TAMM41: variants seen among roughly 807,000 people sequenced by gnomAD.
TAMM41 encodes TAM41 mitochondrial translocator assembly and maintenance homolog, also known as phosphatidate cytidylyltransferase, mitochondrial.
In TAMM41, 36 loss-of-function variants were observed where a neutral mutation model predicts 44.1. The observed-to-expected ratio is 0.82, with a 90% CI of 0.63 to 1.08. The LOEUF (loss-of-function observed/expected upper bound fraction) is 1.08. TAMM41 is among the 50% of genes least tolerant of loss of function. The pLI is 0.00. For synonymous variants in TAMM41, 164 were observed against 153.1 expected, an observed-to-expected ratio of 1.07 and a Z score of -0.53; for missense variants, 417 against 404.3, an observed-to-expected ratio of 1.03 and a Z score of -0.27.
At chr3:11,765,899 G>A in the TAMM41 span, among the ~76,000 whole-genome samples, 20 of 151,908 alleles carry the variant, frequency 1.3e-4, no homozygotes, top group South Asian at 6.2e-4. Flanking sequence ...ACTGGGTTTC[G>A]CCATGTTAGC....
At chr3:11,739,699 A>AAG in the TAMM41 span, among the ~76,000 whole-genome samples, 1 of 130,606 alleles carries the variant, frequency 7.7e-6, no homozygotes, top group African/African-American at 2.7e-5. Flanking sequence ...AAAAAAAAAG[A>AAG]GACATGTTAA....
chr3:11,827,419 C>T (rs1185512155), intron 4 of TAMM41, among the ~76,000 whole-genome samples: 1 of 151,566 alleles, frequency 6.6e-6, no homozygotes, highest in African/African-American at 2.4e-5. Context: ...AAGTGATTCT[C>T]CTGCCTCAAC....
intron 7 of TAMM41, among the ~76,000 whole-genome samples, chr3:11,794,974 G>C (rs924905952): frequency 3.3e-5 from 5 of 152,208 alleles, no homozygotes; most frequent in African/African-American, 1.2e-4. Flanking sequence ...ACAGGCTTAA[G>C]TGATAAGCAA....
the TAMM41 span, among the ~76,000 whole-genome samples, chr3:11,773,255 C>A: frequency 2.8e-4 from 43 of 151,918 alleles, no homozygotes; most frequent in Non-Finnish European, 5.0e-4. Context: ...CCATCCCTGG[C>A]CAAACCCAGG....
At chr3:11,830,001 T>C (rs2078918366) in intron 3 of TAMM41, 137 bp from the exon 4 acceptor site, 8 of 779,930 alleles carry the variant, frequency 1.0e-5, no homozygotes, top group East Asian at 5.3e-5. Flanking sequence ...TGACACAAAA[T>C]TGTTCCTCTA....
At chr3:11,807,260 A>G in intron 7 of TAMM41, 2 of 1,433,132 alleles carry the variant, frequency 1.4e-6, no homozygotes, top group South Asian at 1.6e-5. Flanking sequence ...AATTAGCCAA[A>G]ACCACCAGAC....
At chr3:11,767,127 G>T in the TAMM41 span, among the ~76,000 whole-genome samples, 1 of 151,986 alleles carries the variant, frequency 6.6e-6, no homozygotes, top group Non-Finnish European at 1.5e-5. Context: ...GGAGTGCAGT[G>T]GCATGATCTC....
At chr3:11,809,132 T>G in intron 6 of TAMM41, 1 of 289,004 alleles carries the variant, frequency 3.5e-6, no homozygotes, top group Non-Finnish European at 6.5e-6. Flanking sequence ...TCAAATGGAG[T>G]TGATTGAGGA....
At chr3:11,839,123 A>C (rs879605855) in intron 3 of TAMM41, 99 bp downstream of exon 3, 1 of 690,452 alleles carries the variant, frequency 1.4e-6, no homozygotes, top group African/African-American at 1.8e-5. Flanking sequence ...ACTCATTTCT[A>C]TTTCCAGAGT....
At chr3:11,766,446 G>T in the TAMM41 span, among the ~76,000 whole-genome samples, 1 of 152,138 alleles carries the variant, frequency 6.6e-6, no homozygotes, top group African/African-American at 2.4e-5. Flanking sequence ...GGGAATACAG[G>T]TGTGAGCCAC....
At chr3:11,735,771 A>G in the TAMM41 span, among the ~76,000 whole-genome samples, 1 of 152,200 alleles carries the variant, frequency 6.6e-6, no homozygotes, top group Non-Finnish European at 1.5e-5. Context: ...TTTGAGCAGG[A>G]ACGTGAAGGA....
At chr3:11,817,606 C>T (rs1312651816) in intron 4 of TAMM41, among the ~76,000 whole-genome samples, 1 of 152,162 alleles carries the variant, frequency 6.6e-6, no homozygotes, top group African/African-American at 2.4e-5. Context: ...AAGCGAGTAG[C>T]TAACTTGTTT....
At chr3:11,829,047 G>A (rs188540639) in intron 4 of TAMM41, among the ~76,000 whole-genome samples, 1 of 152,172 alleles carries the variant, frequency 6.6e-6, no homozygotes, top group Non-Finnish European at 1.5e-5. Flanking sequence ...GTTGCAGCGA[G>A]GGTGAGTGGC....
the TAMM41 span, among the ~76,000 whole-genome samples, chr3:11,738,447 T>C: frequency 6.6e-6 from 1 of 152,328 alleles, no homozygotes; most frequent in African/African-American, 2.4e-5. Context: ...GTGCTAGTTA[T>C]TGTTCCCGAT....
intron 2 of TAMM41, chr3:11,843,659 TG>T (rs2079546441): frequency 1.2e-5 from 2 of 164,004 alleles, no homozygotes; most frequent in African/African-American, 4.8e-5. Flanking sequence ...GAGGTTGCAG[TG>T]AGCTGCGATC....
downstream of TAMM41, among the ~76,000 whole-genome samples, chr3:11,787,064 T>C (rs1481900913): frequency 6.6e-6 from 1 of 152,182 alleles, no homozygotes; most frequent in Non-Finnish European, 1.5e-5. Flanking sequence ...GCAATTGATG[T>C]TGGACATCAG....
At chr3:11,755,078 G>A in the TAMM41 span, among the ~76,000 whole-genome samples, 1 of 151,190 alleles carries the variant, frequency 6.6e-6, no homozygotes, top group African/African-American at 2.5e-5. Context: ...GGGAGCTGCA[G>A]CAACCCCTAA....
the TAMM41 span, among the ~76,000 whole-genome samples, chr3:11,784,260 C>T: frequency 2.0e-5 from 3 of 152,128 alleles, no homozygotes; most frequent in Non-Finnish European, 4.4e-5. Context: ...TTTGGGAGGC[C>T]GAGGAGGGCA....
intron 7 of TAMM41, among the ~76,000 whole-genome samples, chr3:11,791,134 G>A (rs976683729): frequency 3.3e-5 from 5 of 152,190 alleles, no homozygotes; most frequent in African/African-American, 1.2e-4. Flanking sequence ...TGTGCAGTAC[G>A]TGTGGGCCGA....
Sources: gnomAD v4.1 joint callset for allele counts (sites outside exome capture counted in the v4.1 genomes callset) on GRCh38, gnomAD v4.1.1 for gene constraint, MANE v1.5 for transcripts, NCBI Gene and HGNC (gene_info 2026-07-23, HGNC 2026-07-21) for gene names.